The following SLC9A9 variants were observed in gnomAD, a reference collection of about 807,000 sequenced individuals.
SLC9A9 encodes solute carrier family 9 member A9, also known as sodium/hydrogen exchanger 9.
In SLC9A9, 62 loss-of-function variants were observed where a neutral mutation model predicts 77.8. The ratio of observed to expected loss-of-function variants is 0.80; its 90% CI spans 0.65 to 0.98. The LOEUF is 0.98. SLC9A9 is among the 50% of genes least tolerant of loss of function. The pLI, the probability that SLC9A9 is intolerant of heterozygous loss-of-function variation, is 0.00. For synonymous variants in SLC9A9, 320 were observed against 283.5 expected (o/e 1.13, Z -1.29); for missense variants, 775 against 774.9 (o/e 1.00, Z 0.00).
rs141854307 is a variant in SLC9A9, at chr3:143,477,815, C to T, written c.1316-10625G>A. 1.2e-3 allele frequency among the ~76,000 whole-genome samples: 186 copies of T among 152,186 alleles called. 1 individual carries two copies. The highest frequency in any genetic ancestry group is 3.8e-3 in the African/African-American group (156 of 41,528). On this transcript the variant is annotated intron_variant, in intron 11 of 15. Coordinates refer to ENST00000316549, the MANE Select transcript of SLC9A9 (RefSeq NM_173653.4). The stretch of plus-strand genomic sequence containing the variant: ...GGGAGAGCACCTATCCCAGGTTATC[C>T]CTATTGACTCACCTGTGACAAAGCA...
At chr3:143,766,091 T>C (rs1198285876) in intron 4 of SLC9A9, among the ~76,000 whole-genome samples, 4 of 152,160 alleles carry the variant, frequency 2.6e-5, no homozygotes, top group Non-Finnish European at 5.9e-5. Context: ...CTGCGGACTC[T>C]TGAGCTGTTA....
At chr3:143,705,039 C>CTATA (rs1553782488) in intron 4 of SLC9A9, among the ~76,000 whole-genome samples, 79 of 31,114 alleles carry the variant, frequency 2.5e-3, no homozygotes, top group African/African-American at 8.4e-3. Flanking sequence ...ATCTATCTAT[C>CTATA]TATATAGATA....
intron 14 of SLC9A9, among the ~76,000 whole-genome samples, chr3:143,322,407 G>A (rs1275643164): frequency 6.6e-6 from 1 of 152,150 alleles, no homozygotes; most frequent in Non-Finnish European, 1.5e-5. Flanking sequence ...TGGCTCACCT[G>A]GTTTTCAGAA....
intron 6 of SLC9A9, among the ~76,000 whole-genome samples, chr3:143,606,409 T>C (rs1020797078): frequency 4.5e-5 from 2 of 44,448 alleles, no homozygotes; most frequent in Non-Finnish European, 9.0e-5. Flanking sequence ...AATCTCTCTC[T>C]CTCTCTCTCT....
chr3:143,594,229 C>T (rs1419875307), intron 6 of SLC9A9, among the ~76,000 whole-genome samples: 1 of 152,116 alleles, frequency 6.6e-6, no homozygotes, highest in Non-Finnish European at 1.5e-5. Context: ...CATGTGCAAT[C>T]CCAGCTTAAT....
At chr3:143,504,218 G>A (rs566030645) in intron 9 of SLC9A9, 6 of 288,462 alleles carry the variant, frequency 2.1e-5, no homozygotes, top group African/African-American at 1.4e-4. Context: ...AGCAGCACTA[G>A]TGACCAGGTG....
intron 5 of SLC9A9, among the ~76,000 whole-genome samples, chr3:143,674,913 T>A (rs1269170961): frequency 6.6e-6 from 1 of 152,168 alleles, no homozygotes; most frequent in Admixed American, 6.5e-5. Flanking sequence ...AAAGCAAATA[T>A]TTCATTCAGT....
At chr3:143,805,495 A>C (rs1319571077) in intron 2 of SLC9A9, among the ~76,000 whole-genome samples, 2 of 152,158 alleles carry the variant, frequency 1.3e-5, no homozygotes, top group South Asian at 2.1e-4. Flanking sequence ...CTCTGAGCCC[A>C]AGCTAAGCCA....
In SLC9A9 at chr3:143,372,598, A is replaced by T. The variant is rs553488959; in HGVS notation, c.1525-9035T>A. Reference sequence around the variant, plus strand: ...GACTAAGACCCCAAAAGCAAATGCAACTAAAACAAAAATAAATGGGGCCTA... The same window carrying T: ...GACTAAGACCCCAAAAGCAAATGCATCTAAAACAAAAATAAATGGGGCCTA... On this transcript the variant is annotated intron_variant, in intron 13 of 15. Transcript: ENST00000316549. Among the ~76,000 whole-genome samples the T allele has an allele frequency of 6.6e-5, 10 of 152,322 alleles. No individual in the cohort carries two copies. In the South Asian group the frequency reaches 2.1e-3, roughly 32 times the overall value.
chr3:143,683,695 G>A (rs1933174997), intron 5 of SLC9A9, among the ~76,000 whole-genome samples: 1 of 152,112 alleles, frequency 6.6e-6, no homozygotes, highest in Non-Finnish European at 1.5e-5. Flanking sequence ...AAATGATAAT[G>A]TCTGAGATTT....
At chr3:143,833,339 G>C (rs2009486322) in intron 1 of SLC9A9, among the ~76,000 whole-genome samples, 1 of 152,174 alleles carries the variant, frequency 6.6e-6, no homozygotes, top group South Asian at 2.1e-4. Flanking sequence ...TACAGGCCCA[G>C]TCTTACAGGA....
At chr3:143,747,553 C>T (rs931197885) in intron 4 of SLC9A9, among the ~76,000 whole-genome samples, 1 of 152,110 alleles carries the variant, frequency 6.6e-6, no homozygotes, top group Non-Finnish European at 1.5e-5. Flanking sequence ...GACTTGAATA[C>T]ACCCACAGAG....
At chr3:143,443,225 G>T (rs1335667842) in intron 12 of SLC9A9, among the ~76,000 whole-genome samples, 2 of 152,074 alleles carry the variant, frequency 1.3e-5, no homozygotes. Context: ...GAGAGGCAAG[G>T]TTTAAAATCA....
At chr3:143,619,991 C>A (rs1216156762) in intron 6 of SLC9A9, among the ~76,000 whole-genome samples, 1 of 152,104 alleles carries the variant, frequency 6.6e-6, no homozygotes, top group African/African-American at 2.4e-5. Context: ...CTTTGGTCAC[C>A]TAATACCTTC....
intron 5 of SLC9A9, among the ~76,000 whole-genome samples, chr3:143,659,637 T>G (rs779667464): frequency 6.6e-6 from 1 of 152,122 alleles, no homozygotes; most frequent in Non-Finnish European, 1.5e-5. Context: ...GAAAAAAAGA[T>G]GGAAAGAGAG....
chr3:143,380,113 C>G (rs1054997472), intron 13 of SLC9A9, among the ~76,000 whole-genome samples: 4 of 152,130 alleles, frequency 2.6e-5, no homozygotes, highest in Non-Finnish European at 5.9e-5. Flanking sequence ...GGTGTAAACA[C>G]CTTGCCCAAG....
intron 2 of SLC9A9, among the ~76,000 whole-genome samples, chr3:143,822,616 ACCT>A (rs1331526506): frequency 2.6e-5 from 4 of 152,166 alleles, no homozygotes; most frequent in African/African-American, 9.7e-5. Context: ...CTTCCTAATG[ACCT>A]CAGGAGAGAA....
intron 6 of SLC9A9, among the ~76,000 whole-genome samples, chr3:143,640,088 C>T (rs2038596866): frequency 6.9e-6 from 1 of 144,378 alleles, no homozygotes; most frequent in Admixed American, 7.2e-5. Context: ...GTGGCGCAAT[C>T]TTGGCTCACT....
chr3:143,809,912 T>A (rs1464061263), intron 2 of SLC9A9, among the ~76,000 whole-genome samples: 3 of 152,216 alleles, frequency 2.0e-5, no homozygotes, highest in Non-Finnish European at 4.4e-5. Flanking sequence ...CATTTATAGA[T>A]GGTTACTAGA....
Sources: gnomAD v4.1 joint callset for allele counts (sites outside exome capture counted in the v4.1 genomes callset) on GRCh38, gnomAD v4.1.1 for gene constraint, MANE v1.5 for transcripts, NCBI Gene and HGNC (gene_info 2026-07-23, HGNC 2026-07-21) for gene names.